The following STK36 variants were observed in gnomAD, a reference collection of about 807,000 sequenced individuals.
The protein encoded by STK36 is serine/threonine-protein kinase 36.
STK36 carries 116 observed loss-of-function variants against 142.2 expected under a neutral mutation model. That is an observed-to-expected ratio of 0.82 (90% CI 0.70 to 0.95). STK36 has a LOEUF of 0.95. Ranked by LOEUF, STK36 falls within the 40% of genes least tolerant of loss-of-function variation. The probability of loss-of-function intolerance (pLI) is 0.00; values close to 1 mark genes in which losing one functional copy is unlikely to be tolerated. For missense variants in STK36, 1,422 were observed against 1,617.2 expected, an observed-to-expected ratio of 0.88 and a Z score of 2.07; for synonymous variants, 619 against 641.7, an observed-to-expected ratio of 0.96 and a Z score of 0.53.
chr2:218,695,769 C>A (rs13004222), intron 21 of STK36, among the ~76,000 whole-genome samples: 1 of 145,132 alleles, frequency 6.9e-6, no homozygotes, highest in South Asian at 2.2e-4. Context: ...AACTCCTGAC[C>A]TCAAGTGATC....
intron 14 of STK36, among the ~76,000 whole-genome samples, chr2:218,691,045 A>G (rs1940979309): frequency 6.6e-6 from 1 of 152,134 alleles, no homozygotes; most frequent in South Asian, 2.1e-4. Flanking sequence ...GGGGACCACA[A>G]ATAGAACGAC....
At position 218,693,799 on chromosome 2, in the gene STK36, T is replaced by C. The variant is rs1941108969; in HGVS notation, c.2225T>C (p.Leu742Pro). The C allele has an allele frequency of 1.9e-6, 3 of 1,614,174 alleles. No individual in the cohort carries two copies. Among genetic ancestry groups the C allele is most frequent in the Non-Finnish European group, 2.5e-6 (3 of 1,180,040 alleles). Residue 742 changes from leucine (L) to proline (P), a missense_variant, in exon 18 of 27, where the codon CTG becomes CCG. By Grantham distance (98) the Leu-to-Pro change is moderately conservative. Transcript: ENST00000295709. ...LGQEPLALESLFMLIQGKVKV... is the reference protein window; with the variant it reads ...LGQEPLALESPFMLIQGKVKV... Reference sequence around the variant, plus strand: ...CAGGAGCCCCTGGCCTTGGAATCCCTGTTTATGTTGATTCAGGGCAAGGTA... The same window carrying C: ...CAGGAGCCCCTGGCCTTGGAATCCCCGTTTATGTTGATTCAGGGCAAGGTA...
rs774995583 is a variant in STK36 at position 218,690,452 on chromosome 2, T to G, written c.1661T>G (p.Leu554Arg). 6.2e-7 allele frequency: 1 copy of G among 1,613,990 alleles called. No homozygotes were observed. Among genetic ancestry groups the G allele is most frequent in the Non-Finnish European group, 8.5e-7 (1 of 1,179,882 alleles). Residue 554 changes from leucine to arginine, a missense_variant and splice_region_variant, in exon 14 of 27, where the codon CTG becomes CGG. Around this residue, in one of 2 missense-constraint regions of STK36, gnomAD observed 962 missense variants for 1,167.5 expected, o/e 0.82. Transcript: ENST00000295709. ...NLERSQTSDS[L>R]QVFQEAANLF... ...ATGGGCTCATTTTCCACCCCCAGCC[T>G]GCAGGTGTTTCAGGAGGCTGCCAAC... is the stretch of plus-strand genomic sequence containing the variant.
In STK36 at chr2:218,680,536, G is replaced by A. The variant is rs1559332770; in HGVS notation, c.1137-67G>A. On this transcript the variant is annotated intron_variant, in intron 9 of 26. Transcript: ENST00000295709. ...TTCTTATCCTGGGTCTACAGAGAGG[G>A]ACAAGTTAACGAACCCTAAGAGTCA... 3 of 1,328,752 alleles carry A rather than the reference G, an allele frequency of 2.3e-6. No individual in the cohort carries two copies. In the East Asian group the frequency reaches 7.4e-5, roughly 33 times the overall value. The allele number at this position is 1,328,752 out of a possible 1,614,324, so 82.3% of individuals were successfully genotyped here.
chr2:218,676,213 C>G lies in STK36; in HGVS notation c.619C>G (p.Gln207Glu), dbSNP rs1940236371. The change falls in exon 6 of 27, where the codon CAG becomes GAG. Residue 207 changes from glutamine to glutamate, a missense_variant. Physicochemically the swap from Gln to Glu is conservative, Grantham distance 29. Around this residue, in one of 2 missense-constraint regions of STK36, gnomAD observed 460 missense variants for 449.6 expected, o/e 1.02. Coordinates refer to ENST00000295709, the MANE Select transcript of STK36 (RefSeq NM_015690.5). The part of the protein sequence containing the change: ...TPPFYATSIF[Q>E]LVSLILKDPV... ...TCCCTTCTATGCTACAAGCATCTTT[C>G]AGCTGGTCAGCCTCATTCTCAAGGA... 3.7e-6 allele frequency: 6 copies of G among 1,614,188 alleles called. No individual in the cohort carries two copies. In the South Asian group the frequency reaches 5.5e-5, roughly 15 times the overall value.
intron 24 of STK36, 106 bp downstream of exon 24, chr2:218,697,716 A>G (rs751574709): frequency 1.8e-5 from 28 of 1,588,618 alleles, no homozygotes; most frequent in Admixed American, 1.2e-4. Flanking sequence ...AAGAAAGATG[A>G]GATCAGGTTT....
At chr2:218,678,671 A>T (rs577366511) in intron 6 of STK36, among the ~76,000 whole-genome samples, 24 of 152,314 alleles carry the variant, frequency 1.6e-4, no homozygotes, top group African/African-American at 5.5e-4. Context: ...AGACTTGCAG[A>T]AAGATTTCTG....
rs1437154663 is a variant in STK36 at position 218,699,088 on chromosome 2, C to G, written c.3544C>G (p.Gln1182Glu). The G allele has an allele frequency of 9.9e-6, 16 of 1,614,038 alleles. No individual in the cohort carries two copies. The highest frequency in any genetic ancestry group is 1.3e-5 in the Non-Finnish European group (15 of 1,180,020). ...ASFAVGNAAY[Q>E]AGPLGPALAA... The stretch of plus-strand genomic sequence containing the variant: ...CTTTGCTGTGGGCAATGCAGCCTAC[C>G]AGGCTGGTCCTCTGGGACCTGCCCT... Residue 1182 changes from glutamine (Q) to glutamate (E), a missense_variant, in exon 26 of 27, where the codon CAG (glutamine) becomes GAG (glutamate). Coordinates refer to ENST00000295709, the MANE Select transcript of STK36 (RefSeq NM_015690.5).
Position 218,690,336 on chromosome 2 carries a change from A to G in STK36, c.1659-114A>G, listed in dbSNP as rs768208470. On this transcript the variant is annotated intron_variant, in intron 13 of 26. Coordinates refer to ENST00000295709, the MANE Select transcript of STK36 (RefSeq NM_015690.5). ...GTGTGGCAAGGGAGAAGGGAGGAAC[A>G]TTCTGATGTGTCCCTTTGCAGAGAT... 303 of 849,208 alleles carry G rather than the reference A, an allele frequency of 3.6e-4. 1 individual carries two copies. The highest frequency in any genetic ancestry group is 5.5e-4 in the Admixed American group (31 of 56,586). 52.6% of individuals were successfully genotyped at this position (849,208 alleles called of 1,614,324 possible).
In STK36 at chr2:218,697,931, T is replaced by C; in HGVS notation, c.2987T>C (p.Met996Thr). The change falls in exon 25 of 27, where the codon ATG becomes ACG. Residue 996 changes from methionine to threonine, a missense_variant. Transcript: ENST00000295709. ...CTTTGCTTCCCCTTTGCGCTGGACATGGATGCTGACCTCCTTATAGGTGTC... is the reference window on the plus strand; with the variant it reads ...CTTTGCTTCCCCTTTGCGCTGGACACGGATGCTGACCTCCTTATAGGTGTC... ...QLLCFPFALDMDADLLIGVLA... is the reference protein window; with the variant it reads ...QLLCFPFALDTDADLLIGVLA... 1 of 1,614,206 alleles carries C rather than the reference T, an allele frequency of 6.2e-7. No homozygotes were observed. Among genetic ancestry groups the C allele is most frequent in the East Asian group, 2.2e-5 (1 of 44,888 alleles).
Position 218,675,452 on chromosome 2 carries a change from G to A in STK36, c.413G>A (p.Gly138Asp), listed in dbSNP as rs779201969. 9.3e-6 allele frequency: 15 copies of A among 1,612,498 alleles called. No homozygotes were observed. Among genetic ancestry groups the A allele is most frequent in the Non-Finnish European group, 1.3e-5 (15 of 1,179,654 alleles). Reference protein sequence around the residue: ...PQNILLAKGGGIKLCDFGFAR... With the variant: ...PQNILLAKGGDIKLCDFGFAR... ...AACATCCTCCTCGCCAAGGGTGGTG[G>A]CATCAAGCTCTGTGACTTTGGGTAA... is the stretch of plus-strand genomic sequence containing the variant. Residue 138 changes from glycine to aspartate, a missense_variant, in exon 5 of 27, where the codon GGC becomes GAC. Physicochemically the swap from Gly to Asp is moderately conservative, Grantham distance 94. This residue lies in a region of STK36 where 460 missense variants were observed against 449.6 expected (regional missense o/e 1.02). Coordinates refer to ENST00000295709, the MANE Select transcript of STK36 (RefSeq NM_015690.5).
In STK36 at chr2:218,676,123, T is replaced by G. The variant is rs750310667; in HGVS notation, c.529T>G (p.Tyr177Asp). 6.2e-7 allele frequency: 1 copy of G among 1,614,074 alleles called. No homozygotes were observed. The highest frequency in any genetic ancestry group is 8.5e-7 in the Non-Finnish European group (1 of 1,180,006). Residue 177 changes from tyrosine to aspartate, a missense_variant, in exon 6 of 27, where the codon TAC (tyrosine) becomes GAC (aspartate). This residue lies in a region of STK36 where 460 missense variants were observed against 449.6 expected (regional missense o/e 1.02). Transcript: ENST00000295709. ...MSPELVEERPYDHTADLWSVG... is the reference protein window; with the variant it reads ...MSPELVEERPDDHTADLWSVG... ...TCCAGAGCTGGTGGAGGAGCGACCA[T>G]ACGACCACACAGCGGACCTCTGGTC...
chr2:218,682,672 T>C (rs996143828), intron 10 of STK36, among the ~76,000 whole-genome samples: 1 of 152,042 alleles, frequency 6.6e-6, no homozygotes, highest in African/African-American at 2.4e-5. Context: ...CGGCTCACTG[T>C]AACCTCCGAC....
chr2:218,699,726 C>T (rs1941375482), intron 26 of STK36, among the ~76,000 whole-genome samples: 1 of 152,074 alleles, frequency 6.6e-6, no homozygotes, highest in South Asian at 2.1e-4. Flanking sequence ...CGATGCTAAG[C>T]ATTTTACCTT....
Position 218,673,662 on chromosome 2 carries a change from C to G in STK36, c.122C>G (p.Ser41Ter). Residue 41 changes from serine (S) to a stop codon, truncating the protein, a stop_gained, in exon 3 of 27, where the codon TCA becomes TGA. Coordinates refer to ENST00000295709, the MANE Select transcript of STK36 (RefSeq NM_015690.5). LOFTEE classifies it high-confidence loss of function. ...ALKFIPKLGR[S>*]EKELRNLQRE... is the part of the protein sequence containing the mutation. Reference sequence around the variant, plus strand: ...AAGTTCATCCCAAAATTGGGGCGCTCAGAGAAGGAGCTGAGGAATTTGCAA... The same window carrying G: ...AAGTTCATCCCAAAATTGGGGCGCTGAGAGAAGGAGCTGAGGAATTTGCAA... 3 of 1,614,096 alleles carry G rather than the reference C, an allele frequency of 1.9e-6. No homozygotes were observed. The highest frequency in any genetic ancestry group is 2.5e-6 in the Non-Finnish European group (3 of 1,180,010).
At chr2:218,693,154 T>C in intron 16 of STK36, 86 bp from the exon 17 acceptor site, 2 of 1,138,604 alleles carry the variant, frequency 1.8e-6, no homozygotes, top group Non-Finnish European at 2.6e-6. Flanking sequence ...AGGAAGAGAC[T>C]GAGAGTCCTG....
At position 218,693,795 on chromosome 2, in the gene STK36, T is replaced by C. The variant is rs1436347601; in HGVS notation, c.2221T>C (p.Ser741Pro). ...LLGQEPLALESLFMLIQGKVK... is the reference protein window; with the variant it reads ...LLGQEPLALEPLFMLIQGKVK... ...GGGGCAGGAGCCCCTGGCCTTGGAA[T>C]CCCTGTTTATGTTGATTCAGGGCAA... Residue 741 changes from serine (S) to proline (P), a missense_variant, in exon 18 of 27, where the codon TCC becomes CCC. Coordinates refer to ENST00000295709, the MANE Select transcript of STK36 (RefSeq NM_015690.5). 1 of 1,614,164 alleles carries C rather than the reference T, an allele frequency of 6.2e-7. No homozygotes were observed. The highest frequency in any genetic ancestry group is 8.5e-7 in the Non-Finnish European group (1 of 1,180,042).
chr2:218,692,210 G>C lies in STK36; in HGVS notation c.1832G>C (p.Ser611Thr). The change falls in exon 15 of 27, where the codon AGC becomes ACC. Residue 611 changes from serine to threonine, a missense_variant. This residue lies in a region of STK36 where 962 missense variants were observed against 1,167.5 expected (regional missense o/e 0.82). Coordinates refer to ENST00000295709, the MANE Select transcript of STK36 (RefSeq NM_015690.5). Reference protein sequence around the residue: ...SRAISKAFYSSLLTTQQVVLD... With the variant: ...SRAISKAFYSTLLTTQQVVLD... ...GCCATCTCCAAAGCCTTTTACTCCA[G>C]CTTGCTGACGACACAGCAGGTTGTC... is the stretch of plus-strand genomic sequence containing the variant. The C allele has an allele frequency of 2.5e-6, 4 of 1,614,196 alleles. No individual in the cohort carries two copies. Among genetic ancestry groups the C allele is most frequent in the Non-Finnish European group, 3.4e-6 (4 of 1,180,040 alleles).
rs201446827 is a variant in STK36, at chr2:218,697,906, C to T, written c.2962C>T (p.Leu988Phe). Reference protein sequence around the residue: ...PVVVLSVCQLLCFPFALDMDA... With the variant: ...PVVVLSVCQLFCFPFALDMDA... The stretch of plus-strand genomic sequence containing the variant: ...CGTGGTGCTCTCTGTCTGCCAGCTC[C>T]TTTGCTTCCCCTTTGCGCTGGACAT... The change falls in exon 25 of 27, where the codon CTT becomes TTT. Residue 988 changes from leucine (L) to phenylalanine (F), a missense_variant. Leu to Phe is a conservative substitution (Grantham distance 22, BLOSUM62 0). This residue lies in a region of STK36 where 962 missense variants were observed against 1,167.5 expected (regional missense o/e 0.82). Coordinates refer to ENST00000295709, the MANE Select transcript of STK36 (RefSeq NM_015690.5). 1.0e-4 allele frequency: 166 copies of T among 1,614,210 alleles called. 1 individual carries two copies. In the East Asian group the frequency reaches 2.0e-3, roughly 20 times the overall value.
Sources: gnomAD v4.1 joint callset for allele counts (sites outside exome capture counted in the v4.1 genomes callset) on GRCh38, gnomAD v4.1.1 for gene constraint, gnomAD v4.1.1 regional missense constraint, MANE v1.5 for transcripts, NCBI Gene and HGNC (gene_info 2026-07-23, HGNC 2026-07-21) for gene names.